NFATC3: variants seen among roughly 807,000 people sequenced by gnomAD.
NFATC3 encodes the protein nuclear factor of activated T cells 3.
Under a neutral mutation model 98.6 loss-of-function variants are expected in NFATC3, and 46 were observed. The observed-to-expected ratio is 0.47, with a 90% confidence interval of 0.37 to 0.60. The LOEUF is 0.60. Ranked by LOEUF, NFATC3 falls within the 20% of genes least tolerant of loss-of-function variation. The pLI is 0.00. For missense variants in NFATC3, 1,256 were observed against 1,295.5 expected (o/e 0.97, Z 0.47); for synonymous variants, 512 against 472.2 (o/e 1.08, Z -1.09).
chr16:68,093,918 A>G (rs539209971), intron 1 of NFATC3, among the ~76,000 whole-genome samples: 2 of 152,242 alleles, frequency 1.3e-5, no homozygotes, highest in South Asian at 2.1e-4. Flanking sequence ...AATCAAACAT[A>G]TATGAGTCAT....
At chr16:68,150,092 A>G (rs1389595334) in intron 3 of NFATC3, among the ~76,000 whole-genome samples, 2 of 152,192 alleles carry the variant, frequency 1.3e-5, no homozygotes, top group Non-Finnish European at 1.5e-5. Flanking sequence ...GAATTATAAT[A>G]AAGAATCTTG....
chr16:68,114,365 G>A (rs1029919821), intron 1 of NFATC3, among the ~76,000 whole-genome samples: 4 of 152,156 alleles, frequency 2.6e-5, no homozygotes, highest in Non-Finnish European at 5.9e-5. Context: ...GCAGACTGGA[G>A]TGGCTTCTAA....
chr16:68,146,873 T>C (rs998334876), intron 3 of NFATC3, among the ~76,000 whole-genome samples: 10 of 152,264 alleles, frequency 6.6e-5, no homozygotes, highest in African/African-American at 2.4e-4. Context: ...GGTGAAAGTT[T>C]TTAGAGACTA....
rs746216645 is a variant in NFATC3, at chr16:68,122,799, A to G, written c.916A>G (p.Thr306Ala). The G allele has an allele frequency of 6.2e-7, 1 of 1,614,208 alleles. No homozygotes were observed. Among genetic ancestry groups the G allele is most frequent in the Non-Finnish European group, 8.5e-7 (1 of 1,180,038 alleles). The change falls in exon 2 of 10, where the codon ACA becomes GCA. Residue 306 changes from threonine to alanine, a missense_variant. Coordinates refer to ENST00000346183, the MANE Select transcript of NFATC3 (RefSeq NM_173165.3). ...SPGHSPRGSV[T>A]EDTWLNASVH... ...TGGTCACTCCCCCAGGGGAAGTGTG[A>G]CAGAAGATACGTGGCTCAATGCTTC...
At chr16:68,215,233 A>G (rs946533632) in intron 9 of NFATC3, among the ~76,000 whole-genome samples, 2 of 152,206 alleles carry the variant, frequency 1.3e-5, no homozygotes, top group Non-Finnish European at 2.9e-5. Flanking sequence ...CCAAAACCCT[A>G]ACTTCTCCCA....
At chr16:68,226,263 A>C in intron 9 of NFATC3, 87 bp from the exon 10 acceptor site, 2 of 1,449,582 alleles carry the variant, frequency 1.4e-6, no homozygotes, top group Middle Eastern at 3.7e-4. Flanking sequence ...ATGGGAAGGG[A>C]AATGTCTGAG....
At chr16:68,102,725 C>T (rs2035440202) in intron 1 of NFATC3, among the ~76,000 whole-genome samples, 1 of 152,142 alleles carries the variant, frequency 6.6e-6, no homozygotes, top group Non-Finnish European at 1.5e-5. Flanking sequence ...AATGTAATTG[C>T]TTGTCATATG....
intron 4 of NFATC3, among the ~76,000 whole-genome samples, chr16:68,158,530 C>T (rs2038726902): frequency 6.6e-6 from 1 of 152,138 alleles, no homozygotes; most frequent in Non-Finnish European, 1.5e-5. Flanking sequence ...ATATAGTTGC[C>T]TGTAATAGAA....
rs759070795 is a variant in NFATC3, at chr16:68,191,387, T to C, written c.2718T>C (p.Pro906=). The change falls in exon 9 of 10, where the codon CCT becomes CCC. Residue 906 remains proline (P), a synonymous_variant. Coordinates refer to ENST00000346183, the MANE Select transcript of NFATC3 (RefSeq NM_173165.3). ...SPVADQITGQ[P]SSQLQPITYG... is the part of the protein sequence containing the mutation. ...TGGCTGACCAGATTACAGGTCAGCC[T>C]TCGTCTCAGTTACAACCTATTACAT... 1.1e-5 allele frequency: 18 copies of C among 1,614,038 alleles called. No homozygotes were observed. The highest frequency in any genetic ancestry group is 3.3e-4 in the Middle Eastern group (2 of 6,084).
chr16:68,198,250 C>T (rs911924359), intron 9 of NFATC3, among the ~76,000 whole-genome samples: 27 of 152,000 alleles, frequency 1.8e-4, no homozygotes, highest in African/African-American at 5.8e-4. Flanking sequence ...CCCAGGAGGT[C>T]GAGGCTTCAG....
chr16:68,156,362 G>A (rs181758565), intron 3 of NFATC3, among the ~76,000 whole-genome samples: 17 of 152,070 alleles, frequency 1.1e-4, no homozygotes, highest in Admixed American at 1.0e-3. Flanking sequence ...ATAATGATGG[G>A]GACAAAGATA....
intron 1 of NFATC3, among the ~76,000 whole-genome samples, chr16:68,118,596 C>T (rs898644761): frequency 6.6e-6 from 1 of 152,142 alleles, no homozygotes; most frequent in African/African-American, 2.4e-5. Context: ...CAGTTGCCTA[C>T]TTTCTTCTCT....
At chr16:68,223,169 T>G (rs1374154521) in intron 9 of NFATC3, among the ~76,000 whole-genome samples, 2 of 152,232 alleles carry the variant, frequency 1.3e-5, no homozygotes, top group Non-Finnish European at 2.9e-5. Flanking sequence ...GTAAGTTTAG[T>G]TTATATTCCA....
At chr16:68,156,582 G>A (rs1210750585) in intron 3 of NFATC3, among the ~76,000 whole-genome samples, 1 of 152,106 alleles carries the variant, frequency 6.6e-6, no homozygotes, top group African/African-American at 2.4e-5. Context: ...GAAAAACCAT[G>A]TGGTCATCTC....
chr16:68,176,522 A>C lies in NFATC3; in HGVS notation c.1915+2008A>C, dbSNP rs143484435. ...ACCACAATTTATTATCCTTTCTCTT[A>C]CTGGATATTTCGATATTGTCCAGTT... On this transcript the variant is annotated intron_variant, in intron 6 of 9. Coordinates refer to ENST00000346183, the MANE Select transcript of NFATC3 (RefSeq NM_173165.3). Among the ~76,000 whole-genome samples the C allele has an allele frequency of 1.5e-3, 231 of 152,106 alleles. 2 individuals are homozygous for C. Among genetic ancestry groups the C allele is most frequent in the African/African-American group, 5.2e-3 (217 of 41,492 alleles).
chr16:68,218,731 C>G (rs1206066523), intron 9 of NFATC3, among the ~76,000 whole-genome samples: 1 of 150,914 alleles, frequency 6.6e-6, no homozygotes, highest in Non-Finnish European at 1.5e-5. Context: ...TGCCGCCACG[C>G]CCAGCTAATT....
At chr16:68,214,636 T>A (rs2041561680) in intron 9 of NFATC3, among the ~76,000 whole-genome samples, 1 of 152,188 alleles carries the variant, frequency 6.6e-6, no homozygotes, top group African/African-American at 2.4e-5. Context: ...CTTGTGCTTA[T>A]GATTTTATTC....
chr16:68,139,527 G>T (rs894973121), intron 3 of NFATC3, among the ~76,000 whole-genome samples: 3 of 152,078 alleles, frequency 2.0e-5, no homozygotes, highest in Non-Finnish European at 2.9e-5. Context: ...AAAGTAGAAG[G>T]GTACTTAAAC....
intron 4 of NFATC3, among the ~76,000 whole-genome samples, chr16:68,160,838 C>T (rs986946001): frequency 3.9e-5 from 6 of 152,110 alleles, no homozygotes; most frequent in Admixed American, 3.9e-4. Context: ...ACGTGCACCA[C>T]CACTCCTGGC....
Sources: allele counts gnomAD v4.1 joint callset (sites outside exome capture counted in the v4.1 genomes callset), GRCh38; gene constraint gnomAD v4.1.1; transcripts MANE v1.5; gene names NCBI Gene and HGNC (gene_info 2026-07-23, HGNC 2026-07-21).